TMEM154: variants seen among roughly 807,000 people sequenced by gnomAD.
TMEM154 encodes the protein transmembrane protein 154.
Under a neutral mutation model 24.5 loss-of-function variants are expected in TMEM154, and 27 were observed. The observed-to-expected ratio is 1.10, with a 90% CI of 0.81 to 1.52. TMEM154 has a LOEUF of 1.52. Ranked by LOEUF, TMEM154 falls within the 40% of genes most tolerant of loss-of-function variation. TMEM154 has a pLI of 0.00. For synonymous variants in TMEM154, 67 were observed against 76.8 expected (o/e 0.87, Z 0.67); for missense variants, 228 against 213.4 (o/e 1.07, Z -0.43).
intron 1 of TMEM154, among the ~76,000 whole-genome samples, chr4:152,664,141 T>C (rs1345384163): frequency 6.6e-6 from 1 of 152,138 alleles, no homozygotes; most frequent in Non-Finnish European, 1.5e-5. Flanking sequence ...CCATCAATGA[T>C]AGACTGGATA....
At chr4:152,670,487 T>A (rs1333440014) in intron 1 of TMEM154, among the ~76,000 whole-genome samples, 1 of 151,974 alleles carries the variant, frequency 6.6e-6, no homozygotes. Flanking sequence ...TCCCAGCTAC[T>A]CGGGAGGCTG....
intron 3 of TMEM154, among the ~76,000 whole-genome samples, chr4:152,650,990 G>A (rs1205552912): frequency 2.6e-5 from 4 of 152,186 alleles, no homozygotes; most frequent in Admixed American, 6.5e-5. Context: ...AGGCTTGGTT[G>A]TTCCACTTAC....
chr4:152,661,693 C>T (rs555687880), intron 1 of TMEM154, among the ~76,000 whole-genome samples: 1 of 152,310 alleles, frequency 6.6e-6, no homozygotes, highest in South Asian at 2.1e-4. Flanking sequence ...ATCTGTACAA[C>T]TAAGGAGTGA....
At chr4:152,660,211 G>T (rs1728572163) in intron 1 of TMEM154, among the ~76,000 whole-genome samples, 1 of 151,782 alleles carries the variant, frequency 6.6e-6, no homozygotes, top group African/African-American at 2.4e-5. Context: ...ACTGCAGCCA[G>T]ATCAAATAGC....
At chr4:152,648,004 T>C (rs957866999) in intron 3 of TMEM154, among the ~76,000 whole-genome samples, 2 of 152,004 alleles carry the variant, frequency 1.3e-5, no homozygotes, top group African/African-American at 4.8e-5. Flanking sequence ...CTCCTGGACC[T>C]TAACGACCAC....
intron 1 of TMEM154, among the ~76,000 whole-genome samples, chr4:152,679,611 C>G (rs1053813677): frequency 1.3e-5 from 2 of 151,988 alleles, no homozygotes; most frequent in Admixed American, 1.3e-4. Flanking sequence ...ATTACAGGGA[C>G]GCACACTTCC....
At chr4:152,645,347 TC>T in intron 3 of TMEM154, among the ~76,000 whole-genome samples, 1 of 152,324 alleles carries the variant, frequency 6.6e-6, no homozygotes, top group South Asian at 2.1e-4. Flanking sequence ...TAGTGAAACT[TC>T]CAACAAGCCT....
At chr4:152,669,912 TACTC>T (rs1380037376) in intron 1 of TMEM154, 9 of 152,258 alleles carry the variant, frequency 5.9e-5, no homozygotes, top group African/African-American at 2.2e-4. Context: ...CTTCTTTAAT[TACTC>T]AGGAAATATT....
rs190355068 is a variant in TMEM154 at position 152,632,817 on chromosome 4, A to G, written c.537-4256T>C. Reference sequence around the variant, plus strand: ...CTGAATCAGGGTTCACTTTCTTGCTATGTGACATTAGGCAAATTAACCTTT... The same window carrying G: ...CTGAATCAGGGTTCACTTTCTTGCTGTGTGACATTAGGCAAATTAACCTTT... On this transcript the variant is annotated intron_variant, in intron 6 of 6. Coordinates refer to ENST00000304385, the MANE Select transcript of TMEM154 (RefSeq NM_152680.3). Among the ~76,000 whole-genome samples the G allele has an allele frequency of 9.9e-5, 15 of 152,268 alleles. No individual in the cohort carries two copies. In the East Asian group the frequency reaches 2.9e-3, roughly 29 times the overall value.
At chr4:152,673,172 A>C (rs55656930) in intron 1 of TMEM154, among the ~76,000 whole-genome samples, 181 of 152,268 alleles carry the variant, frequency 1.2e-3, no homozygotes, top group African/African-American at 4.2e-3. Context: ...AAACATGTCT[A>C]TGTCCCTAAG....
chr4:152,679,329 T>TCTAA (rs2149793024), intron 1 of TMEM154, among the ~76,000 whole-genome samples: 1 of 151,378 alleles, frequency 6.6e-6, no homozygotes, highest in East Asian at 1.9e-4. Context: ...AGGGCTACCC[T>TCTAA]CTAACACATA....
intron 1 of TMEM154, among the ~76,000 whole-genome samples, chr4:152,664,511 G>A (rs896480096): frequency 6.6e-6 from 1 of 152,010 alleles, no homozygotes; most frequent in Non-Finnish European, 1.5e-5. Context: ...CCTGCACACT[G>A]GAATTTAAAG....
chr4:152,668,401 C>G (rs1157796058), intron 1 of TMEM154: 1 of 152,034 alleles, frequency 6.6e-6, no homozygotes, highest in Non-Finnish European at 1.5e-5. Flanking sequence ...TTTCAAGGGC[C>G]AATTTCAAAA....
At chr4:152,672,262 A>C (rs959810912) in intron 1 of TMEM154, among the ~76,000 whole-genome samples, 1 of 152,130 alleles carries the variant, frequency 6.6e-6, no homozygotes, top group Non-Finnish European at 1.5e-5. Context: ...CTTAAGAAAA[A>C]AAAAGGGTTG....
At position 152,642,515 on chromosome 4, in the gene TMEM154, T is replaced by G. The variant is rs1210586556; in HGVS notation, c.478+573A>C. ...CAATTGGAAATTGTTATATGGGGTATGTATATCACCATCTACATGAGCAAT... is the reference window on the plus strand; with the variant it reads ...CAATTGGAAATTGTTATATGGGGTAGGTATATCACCATCTACATGAGCAAT... On this transcript the variant is annotated intron_variant, in intron 5 of 6. Coordinates refer to ENST00000304385, the MANE Select transcript of TMEM154 (RefSeq NM_152680.3). Among the ~76,000 whole-genome samples the G allele has an allele frequency of 3.9e-5, 6 of 152,240 alleles. No homozygotes were observed. In the East Asian group the frequency reaches 1.2e-3, roughly 29 times the overall value.
chr4:152,640,854 AG>A lies in TMEM154; in HGVS notation c.536+73del, dbSNP rs1271857897. The stretch of plus-strand genomic sequence containing the variant: ...ATAGGCACGGAGGAGGTAAGCAAAA[AG>A]TGTTCCACCCTGGTTCCCAATCCCC... On this transcript the variant is annotated intron_variant, in intron 6 of 6. Transcript: ENST00000304385. 6 of 1,334,556 alleles carry A rather than the reference AG, an allele frequency of 4.5e-6. No homozygotes were observed. In the East Asian group the frequency reaches 9.4e-5, roughly 21 times the overall value. 82.7% of individuals were successfully genotyped at this position (1,334,556 alleles called of 1,614,324 possible). A position where few individuals can be genotyped will look rare whatever the true frequency, so the allele number is the denominator to read the frequency against.
At chr4:152,647,461 G>T in intron 3 of TMEM154, 1 of 412,994 alleles carries the variant, frequency 2.4e-6, no homozygotes, top group Non-Finnish European at 3.3e-6. Flanking sequence ...GCTGATAAGA[G>T]AAAAAAATTC....
chr4:152,657,190 CA>C (rs985065709), intron 1 of TMEM154, among the ~76,000 whole-genome samples: 19 of 147,240 alleles, frequency 1.3e-4, no homozygotes, highest in African/African-American at 3.5e-4. Flanking sequence ...AGCAAGAAGG[CA>C]AAGAGAAAAT....
intron 1 of TMEM154, among the ~76,000 whole-genome samples, chr4:152,667,753 C>G (rs907225363): frequency 6.6e-6 from 1 of 152,222 alleles, no homozygotes; most frequent in Non-Finnish European, 1.5e-5. Flanking sequence ...TACACTTTTT[C>G]TCTTCAGCCA....
Sources: allele counts gnomAD v4.1 joint callset (sites outside exome capture counted in the v4.1 genomes callset), GRCh38; gene constraint gnomAD v4.1.1; transcripts MANE v1.5; gene names NCBI Gene and HGNC (gene_info 2026-07-23, HGNC 2026-07-21).